MACROD2: variants seen among roughly 807,000 people sequenced by gnomAD.
MACROD2 encodes ADP-ribose glycohydrolase MACROD2.
Under a neutral mutation model 70.4 loss-of-function variants are expected in MACROD2, and 36 were observed. That is an observed-to-expected ratio of 0.51 (90% CI 0.39 to 0.68). MACROD2 has a LOEUF of 0.68. MACROD2 is among the 30% of genes least tolerant of loss of function. The pLI, the probability that MACROD2 is intolerant of heterozygous loss-of-function variation, is 0.00. For missense variants in MACROD2, 496 were observed against 538.4 expected (o/e 0.92, Z 0.78); for synonymous variants, 172 against 178.8 (o/e 0.96, Z 0.30).
chr20:14,150,881 G>T (rs1370459640), intron 3 of MACROD2, among the ~76,000 whole-genome samples: 1 of 152,194 alleles, frequency 6.6e-6, no homozygotes, highest in Non-Finnish European at 1.5e-5. Context: ...TGTTTCAGAA[G>T]AGCAGGCAAG....
At chr20:14,931,487 C>T (rs2074295442) in intron 5 of MACROD2, among the ~76,000 whole-genome samples, 1 of 152,104 alleles carries the variant, frequency 6.6e-6, no homozygotes, top group Non-Finnish European at 1.5e-5. Flanking sequence ...CTCCTGGATT[C>T]TTCTCAGGGT....
chr20:14,147,480 A>G (rs993515554), intron 3 of MACROD2, among the ~76,000 whole-genome samples: 1 of 152,228 alleles, frequency 6.6e-6, no homozygotes, highest in Non-Finnish European at 1.5e-5. Context: ...TATCATCATT[A>G]TTTAAATTAT....
chr20:15,864,614 AT>A (rs200617503), intron 9 of MACROD2, among the ~76,000 whole-genome samples: 1 of 152,070 alleles, frequency 6.6e-6, no homozygotes, highest in Non-Finnish European at 1.5e-5. Context: ...CATACTGCAA[AT>A]TTTTTTTAAA....
Position 15,900,862 on chromosome 20 carries a change from A to G in MACROD2, c.775+15051A>G, listed in dbSNP as rs1601091269. Among the ~76,000 whole-genome samples the G allele has an allele frequency of 4.6e-5, 7 of 152,250 alleles. No homozygotes were observed. In the South Asian group the frequency reaches 1.5e-3, roughly 32 times the overall value. On this transcript the variant is annotated intron_variant, in intron 10 of 17. Coordinates refer to ENST00000684519, the MANE Select transcript of MACROD2 (RefSeq NM_001351661.2). The stretch of plus-strand genomic sequence containing the variant: ...TTCTAACCTAAGACTCAGTTTCTTC[A>G]TACATTAAATGGACAGAAGGGAAAC...
intron 5 of MACROD2, among the ~76,000 whole-genome samples, chr20:14,691,675 G>A (rs1208264335): frequency 6.6e-6 from 1 of 152,126 alleles, no homozygotes; most frequent in African/African-American, 2.4e-5. Context: ...CTTTGCAAAG[G>A]GTGACCTGAT....
At chr20:14,205,804 T>C (rs1474735168) in intron 3 of MACROD2, among the ~76,000 whole-genome samples, 1 of 152,236 alleles carries the variant, frequency 6.6e-6, no homozygotes, top group African/African-American at 2.4e-5. Flanking sequence ...TGATACAGCT[T>C]TGAATGGCTT....
chr20:14,530,909 G>A (rs915239543), intron 4 of MACROD2, among the ~76,000 whole-genome samples: 7 of 152,090 alleles, frequency 4.6e-5, no homozygotes, highest in Non-Finnish European at 7.4e-5. Context: ...ATAAACTTGC[G>A]CAGTCAGTAG....
chr20:14,423,755 A>ATTTTTTTTTTTTTTTTTT (rs1165796772), intron 3 of MACROD2, among the ~76,000 whole-genome samples: 5 of 63,108 alleles, frequency 7.9e-5, no homozygotes, highest in African/African-American at 1.2e-4. Flanking sequence ...GACATCTTAA[A>ATTTTTTTTTTTTTTTTTT]TTTTTTTTTT....
intron 8 of MACROD2, among the ~76,000 whole-genome samples, chr20:15,674,300 C>T (rs2050024848): frequency 6.6e-6 from 1 of 152,050 alleles, no homozygotes; most frequent in South Asian, 2.1e-4. Context: ...TTATAGAAGG[C>T]CTCACTGGAG....
chr20:15,293,880 G>A (rs1216203289), intron 6 of MACROD2, among the ~76,000 whole-genome samples: 3 of 152,110 alleles, frequency 2.0e-5, no homozygotes, highest in African/African-American at 7.2e-5. Context: ...CACTTTGGGA[G>A]GCCGAGGCAG....
intron 3 of MACROD2, among the ~76,000 whole-genome samples, chr20:14,190,322 G>A (rs1001640218): frequency 6.6e-6 from 1 of 152,064 alleles, no homozygotes. Flanking sequence ...ACATCTCTAT[G>A]CCTTCTTAAT....
At chr20:15,049,670 G>A (rs1287456520) in intron 5 of MACROD2, among the ~76,000 whole-genome samples, 5 of 152,052 alleles carry the variant, frequency 3.3e-5, no homozygotes, top group Non-Finnish European at 5.9e-5. Flanking sequence ...CTACATGACC[G>A]GGTGCGTTGG....
At chr20:14,983,234 A>G (rs1801844898) in intron 5 of MACROD2, among the ~76,000 whole-genome samples, 1 of 152,144 alleles carries the variant, frequency 6.6e-6, no homozygotes, top group Admixed American at 6.5e-5. Flanking sequence ...GAAATAACTA[A>G]CTTGCTTTTG....
intron 5 of MACROD2, among the ~76,000 whole-genome samples, chr20:15,044,058 G>A (rs115610396): frequency 0.01 from 1,555 of 152,230 alleles, 28 homozygotes; most frequent in African/African-American, 0.035. Flanking sequence ...GATTGATTAA[G>A]TCATTGGCCT....
chr20:14,370,119 T>TA (rs1395543929), intron 3 of MACROD2, among the ~76,000 whole-genome samples: 5 of 152,272 alleles, frequency 3.3e-5, no homozygotes, highest in African/African-American at 1.2e-4. Context: ...ATTATGAAAA[T>TA]GTGATTTTAA....
At chr20:14,878,232 A>G (rs899511719) in intron 5 of MACROD2, among the ~76,000 whole-genome samples, 1 of 152,158 alleles carries the variant, frequency 6.6e-6, no homozygotes, top group Non-Finnish European at 1.5e-5. Flanking sequence ...CTTAGTCTGA[A>G]GAAGGGAAGA....
At chr20:14,099,799 C>T (rs1299852464) in intron 3 of MACROD2, among the ~76,000 whole-genome samples, 2 of 152,052 alleles carry the variant, frequency 1.3e-5, no homozygotes, top group Admixed American at 6.6e-5. Context: ...GTTCTTATTG[C>T]TCTAGATCCT....
At chr20:14,389,408 C>T (rs1444061633) in intron 3 of MACROD2, among the ~76,000 whole-genome samples, 2 of 100,368 alleles carry the variant, frequency 2.0e-5, no homozygotes, top group East Asian at 3.1e-4. Flanking sequence ...GGCGACAGGG[C>T]GAGACTTGGT....
At chr20:14,862,991 C>G (rs1032462939) in intron 5 of MACROD2, among the ~76,000 whole-genome samples, 2 of 151,720 alleles carry the variant, frequency 1.3e-5, no homozygotes, top group African/African-American at 4.8e-5. Flanking sequence ...TGGGCAGTGA[C>G]TACACATTTA....
Sources: allele counts gnomAD v4.1 joint callset (sites outside exome capture counted in the v4.1 genomes callset), GRCh38; gene constraint gnomAD v4.1.1; transcripts MANE v1.5; gene names NCBI Gene and HGNC (gene_info 2026-07-23, HGNC 2026-07-21).